Variants in KCNAB2 observed in about 807,000 individuals in gnomAD.
KCNAB2 encodes the protein voltage-gated potassium channel subunit beta-2.
A neutral mutation model predicts 63.6 loss-of-function variants in KCNAB2; 29 were observed. The ratio of observed to expected loss-of-function variants is 0.46; its 90% CI spans 0.34 to 0.62. The LOEUF (loss-of-function observed/expected upper bound fraction) is 0.62, where lower values mean the gene tolerates loss of function less well. Among genes scored for constraint, KCNAB2 ranks in the 20% least tolerant of loss-of-function variants. The pLI is 0.01. For missense variants in KCNAB2, 359 were observed against 563.9 expected (o/e 0.64, Z 3.68); for synonymous variants, 222 against 224.2 (o/e 0.99, Z 0.09).
intron 1 of KCNAB2, among the ~76,000 whole-genome samples, chr1:6,014,291 A>G (rs1376672347): frequency 6.6e-6 from 1 of 152,122 alleles, no homozygotes; most frequent in Admixed American, 6.5e-5. Context: ...TCAGCGTAGG[A>G]CTTGGTGTCC....
chr1:6,071,416 G>A lies in KCNAB2; in HGVS notation c.219-1339G>A, dbSNP rs1232723922. Among the ~76,000 whole-genome samples, 7 of 152,178 alleles carry A rather than the reference G, an allele frequency of 4.6e-5. No individual in the cohort carries two copies. Among genetic ancestry groups the A allele is most frequent in the Non-Finnish European group, 8.8e-5 (6 of 68,008 alleles). On this transcript the variant is annotated intron_variant, in intron 2 of 15. Transcript: ENST00000378083. The surrounding 1 kb of genome is among the most constrained non-coding windows in gnomAD (Gnocchi z 8.5). ...GGAAGTGGAATCTGACCCCAGATGG[G>A]TCAAGGCCTGGCTGCAGCTGTGAGA...
At chr1:6,072,930 A>G (rs1663334072) in intron 3 of KCNAB2, 132 bp downstream of exon 3, 6 of 732,510 alleles carry the variant, frequency 8.2e-6, no homozygotes, top group Admixed American at 8.0e-5. Flanking sequence ...AGCTGCACCC[A>G]GAGCCCAGGA....
At chr1:6,051,405 A>C (rs1327607707) in intron 1 of KCNAB2, 106 bp from the exon 2 acceptor site, 1 of 1,301,800 alleles carries the variant, frequency 7.7e-7, no homozygotes, top group South Asian at 1.7e-5. Context: ...TGGTGGCACT[A>C]GTTAAAGGAT....
chr1:6,082,083 C>T (rs576234428), intron 4 of KCNAB2, 112 bp from the exon 5 acceptor site: 13 of 853,052 alleles, frequency 1.5e-5, no homozygotes, highest in South Asian at 8.6e-5. Flanking sequence ...CTGTCGGGCC[C>T]GGGAGGGCAG....
chr1:6,099,746 C>T lies in KCNAB2; in HGVS notation c.*1172C>T, dbSNP rs1665906903. On this transcript the variant is annotated 3_prime_UTR_variant, in exon 16 of 16. Transcript: ENST00000378083. ...AGCACCCCCACAATGTAGGAAAAGA[C>T]CTCAGGGAACCTCTCCCTGGAAAGA... 2.1e-6 allele frequency: 3 copies of T among 1,453,932 alleles called. No individual in the cohort carries two copies. The highest frequency in any genetic ancestry group is 2.7e-6 in the Non-Finnish European group (3 of 1,101,680). The allele number at this position is 1,453,932 out of a possible 1,614,324, so 90.1% of individuals were successfully genotyped here.
chr1:6,080,532 G>C (rs1428110796), intron 4 of KCNAB2, among the ~76,000 whole-genome samples: 1 of 152,176 alleles, frequency 6.6e-6, no homozygotes, highest in Non-Finnish European at 1.5e-5. Context: ...CCACCCCCGG[G>C]CTTCCTGACT....
intron 1 of KCNAB2, among the ~76,000 whole-genome samples, chr1:6,038,447 C>T (rs527623509): frequency 5.9e-5 from 9 of 152,234 alleles, no homozygotes; most frequent in Admixed American, 2.0e-4. Flanking sequence ...TGCATCACCA[C>T]GCCCAGCTAA....
At chr1:6,034,210 T>C (rs1659851842), upstream of KCNAB2, 1 of 152,332 alleles carries the variant, frequency 6.6e-6, no homozygotes, top group African/African-American at 2.4e-5. Context: ...TCGCTCCTGA[T>C]TGGACAGTGG....
At chr1:6,037,376 G>C (rs1408588449) in intron 1 of KCNAB2, among the ~76,000 whole-genome samples, 2 of 152,214 alleles carry the variant, frequency 1.3e-5, no homozygotes, top group Non-Finnish European at 2.9e-5. Context: ...AGGACATCCT[G>C]CCTCCCGTGG....
Position 6,003,741 on chromosome 1 carries a change from TCTC to T in KCNAB2, c.-53+10957_-53+10959del, listed in dbSNP as rs1192114259. On this transcript the variant is annotated intron_variant, in intron 1 of 16. Transcript: ENST00000341524. The surrounding 1 kb of genome is among the most constrained non-coding windows in gnomAD (Gnocchi z 4.1). ...AGCTCATGTCCCAGAACCAGCCACG[TCTC>T]CTCGTCGTCGTTTCACCGCAACCTC... Among the ~76,000 whole-genome samples, 1 of 152,188 alleles carries T rather than the reference TCTC, an allele frequency of 6.6e-6. No individual in the cohort carries two copies. The highest frequency in any genetic ancestry group is 1.9e-4 in the East Asian group (1 of 5,198).
Position 6,028,088 on chromosome 1 carries a change from C to T in KCNAB2, c.-52-12429C>T, listed in dbSNP as rs955758838. 5.9e-5 allele frequency among the ~76,000 whole-genome samples: 9 copies of T among 152,230 alleles called. No homozygotes were observed. Among genetic ancestry groups the T allele is most frequent in the African/African-American group, 2.2e-4 (9 of 41,454 alleles). ...TTTCTTCCAGATCCCCATCATGACC[C>T]ACCAGGCCAACGGCCCCCTAGGGTC... On this transcript the variant is annotated intron_variant, in intron 1 of 16. Coordinates refer to the KCNAB2 transcript ENST00000341524. The surrounding 1 kb of genome is among the most constrained non-coding windows in gnomAD (Gnocchi z 4.0).
chr1:6,085,923 G>A, intron 6 of KCNAB2: 11 of 985,526 alleles, frequency 1.1e-5, no homozygotes, highest in Non-Finnish European at 1.1e-5. Context: ...CACAGACCGG[G>A]GAGCGGTCCC....
chr1:6,001,030 G>A (rs574824035), intron 1 of KCNAB2, among the ~76,000 whole-genome samples: 2 of 152,296 alleles, frequency 1.3e-5, no homozygotes, highest in East Asian at 3.9e-4. Flanking sequence ...TCACAGGCAG[G>A]GAGAGTGGGG....
At chr1:6,097,459 C>A in intron 15 of KCNAB2, 102 bp downstream of exon 15, 1 of 1,538,260 alleles carries the variant, frequency 6.5e-7, no homozygotes, top group Non-Finnish European at 8.7e-7. Context: ...CTGTTCTAGG[C>A]ACTCAGGATG....
At chr1:6,023,868 G>A (rs541682931) in intron 1 of KCNAB2, among the ~76,000 whole-genome samples, 20 of 151,922 alleles carry the variant, frequency 1.3e-4, no homozygotes, top group African/African-American at 4.8e-4. Context: ...AAACTCCTGG[G>A]TTCAAGGGAT....
intron 15 of KCNAB2, chr1:6,097,766 A>G: frequency 2.4e-6 from 1 of 422,524 alleles, no homozygotes; most frequent in East Asian, 3.7e-5. Flanking sequence ...CAGCAGGAAG[A>G]GTTGATGCAA....
At chr1:6,053,065 T>G (rs1661525289) in intron 2 of KCNAB2, among the ~76,000 whole-genome samples, 1 of 152,128 alleles carries the variant, frequency 6.6e-6, no homozygotes, top group South Asian at 2.1e-4. Flanking sequence ...AATATGTGGT[T>G]GTAATTTAGA....
chr1:6,009,391 G>A lies in KCNAB2; in HGVS notation c.-53+16603G>A, dbSNP rs538777614. ...GGGTGGAGGGGGCCCGGTGGTGTCC[G>A]TGTGCGTGTATGTGTGCACACGTGT... On this transcript the variant is annotated intron_variant, in intron 1 of 16. Coordinates refer to the KCNAB2 transcript ENST00000341524. 5.3e-5 allele frequency among the ~76,000 whole-genome samples: 8 copies of A among 152,300 alleles called. No individual in the cohort carries two copies. The East Asian group carries it at 9.7e-4, about 18-fold the overall frequency.
intron 10 of KCNAB2, 135 bp downstream of exon 10, chr1:6,091,442 C>T: frequency 1.5e-6 from 1 of 662,608 alleles, no homozygotes. Flanking sequence ...GAAAGAGCAC[C>T]CTATGAGAAC....
Sources: gnomAD v4.1 joint callset for allele counts (sites outside exome capture counted in the v4.1 genomes callset) on GRCh38, gnomAD v4.1.1 for gene constraint, Gnocchi (gnomAD v3.1) non-coding constraint, MANE v1.5 for transcripts, NCBI Gene and HGNC (gene_info 2026-07-23, HGNC 2026-07-21) for gene names.